PHF24: variants seen among roughly 807,000 people sequenced by gnomAD.
PHF24 encodes the protein PHD finger protein 24.
A neutral mutation model predicts 42.6 loss-of-function variants in PHF24; 25 were observed. That is an observed-to-expected ratio of 0.59 (90% CI 0.43 to 0.82). The LOEUF is 0.82. PHF24 is among the 40% of genes least tolerant of loss of function. The pLI is 0.00. For missense variants in PHF24, 470 were observed against 538.1 expected (o/e 0.87, Z 1.25); for synonymous variants, 185 against 204.8 (o/e 0.90, Z 0.83).
the PHF24 span, among the ~76,000 whole-genome samples, chr9:34,799,228 G>A: frequency 6.6e-6 from 1 of 152,260 alleles, no homozygotes; most frequent in Non-Finnish European, 1.5e-5. Flanking sequence ...GGAAAAAATA[G>A]GAATATTCTG....
chr9:34,767,514 C>T, the PHF24 span, among the ~76,000 whole-genome samples: 3 of 152,222 alleles, frequency 2.0e-5, no homozygotes, highest in Non-Finnish European at 4.4e-5. Flanking sequence ...AAGCCAGGTG[C>T]GGGATATAGT....
the PHF24 span, among the ~76,000 whole-genome samples, chr9:34,845,139 A>G: frequency 6.6e-6 from 1 of 152,000 alleles, no homozygotes; most frequent in Non-Finnish European, 1.5e-5. Context: ...GAGTATAGCT[A>G]CCCTTCCTCT....
At chr9:34,976,350 T>C (rs1021478981) in intron 4 of PHF24, 120 bp downstream of exon 4, 5 of 1,023,134 alleles carry the variant, frequency 4.9e-6, no homozygotes, top group Non-Finnish European at 7.5e-6. Flanking sequence ...AAATGAGTCC[T>C]TGTTCCTGAG....
chr9:34,714,613 C>A, the PHF24 span, among the ~76,000 whole-genome samples: 2 of 152,178 alleles, frequency 1.3e-5, no homozygotes, highest in Admixed American at 6.5e-5. Flanking sequence ...CTGGGAGAGC[C>A]ACTTGGGCCT....
chr9:34,684,106 G>A, the PHF24 span, among the ~76,000 whole-genome samples: 2 of 152,076 alleles, frequency 1.3e-5, no homozygotes, highest in Admixed American at 1.3e-4. Context: ...GAGTTTCAGT[G>A]GCTTGCAAGT....
At chr9:34,892,515 C>T in the PHF24 span, 1 of 409,460 alleles carries the variant, frequency 2.4e-6, no homozygotes, top group Non-Finnish European at 4.3e-6. Context: ...AACAATATCC[C>T]ACTTGTACTT....
chr9:34,696,406 T>G, the PHF24 span, among the ~76,000 whole-genome samples: 2 of 151,216 alleles, frequency 1.3e-5, no homozygotes, highest in African/African-American at 2.4e-5. Context: ...GAGAATCGCT[T>G]TAACCCGGGA....
the PHF24 span, chr9:34,709,549 C>CAGGAAGGG: frequency 6.2e-7 from 1 of 1,614,176 alleles, no homozygotes; most frequent in Non-Finnish European, 8.5e-7. Context: ...TTGGAGGCCC[C>CAGGAAGGG]CCTGTCCTTC....
the PHF24 span, chr9:34,894,625 C>T: frequency 5.0e-6 from 2 of 397,244 alleles, no homozygotes; most frequent in African/African-American, 2.1e-5. Flanking sequence ...CACTAAGTCA[C>T]ATCTGTGTAT....
chr9:34,784,374 A>G, the PHF24 span, among the ~76,000 whole-genome samples: 1 of 152,224 alleles, frequency 6.6e-6, no homozygotes, highest in Non-Finnish European at 1.5e-5. Context: ...CAGAATTTGC[A>G]TAATATATCT....
At chr9:34,826,068 G>A in the PHF24 span, among the ~76,000 whole-genome samples, 2 of 152,146 alleles carry the variant, frequency 1.3e-5, no homozygotes, top group African/African-American at 4.8e-5. Context: ...GACAAGGCAG[G>A]AAAGGGGGGT....
chr9:34,922,758 C>G, the PHF24 span: 1 of 1,591,404 alleles, frequency 6.3e-7, no homozygotes, highest in Non-Finnish European at 8.5e-7. Flanking sequence ...AGATGACCTA[C>G]GGGCTCCTAC....
At chr9:34,958,132 C>A (rs919953660), upstream of PHF24, among the ~76,000 whole-genome samples, 44 of 148,288 alleles carry the variant, frequency 3.0e-4, 1 homozygote, top group Admixed American at 2.7e-4. The surrounding 1 kb of genome is among the most constrained non-coding windows in gnomAD (Gnocchi z 4.5). Context: ...GAGGACTGGG[C>A]GGGGCGGGGC....
chr9:34,888,974 T>G, the PHF24 span: 2 of 397,602 alleles, frequency 5.0e-6, no homozygotes, highest in Non-Finnish European at 8.9e-6. Flanking sequence ...GATTTAAGCT[T>G]CTATACCACA....
chr9:34,915,026 C>CTTTTTTTTTTTTT, the PHF24 span, among the ~76,000 whole-genome samples: 18 of 37,458 alleles, frequency 4.8e-4, no homozygotes, highest in Admixed American at 9.5e-4. Flanking sequence ...TTTTTCTTTT[C>CTTTTTTTTTTTTT]TTTTTTTTTT....
In PHF24 at chr9:34,972,547, A is replaced by C. The variant is rs199513276; in HGVS notation, c.564+16A>C. ...CCACTACTGTGTAAGTCTGGACTGC[A>C]GGGACAGCAGAGGACTTGGCACTTT... On this transcript the variant is annotated intron_variant, in intron 3 of 7. Coordinates refer to ENST00000242315, the Ensembl canonical transcript of PHF24. The C allele has an allele frequency of 1.5e-5, 23 of 1,585,944 alleles. No homozygotes were observed. In the East Asian group the frequency reaches 4.1e-4, roughly 28 times the overall value.
chr9:34,936,786 C>G, the PHF24 span, among the ~76,000 whole-genome samples: 10 of 150,796 alleles, frequency 6.6e-5, no homozygotes, highest in South Asian at 1.7e-3. Flanking sequence ...TGAGGACCGT[C>G]TCTGCCCAGC....
At chr9:34,840,144 T>C in the PHF24 span, among the ~76,000 whole-genome samples, 2 of 152,214 alleles carry the variant, frequency 1.3e-5, no homozygotes, top group African/African-American at 4.8e-5. Context: ...GCATTTATTT[T>C]ATTTTAATCA....
chr9:34,813,876 A>G, the PHF24 span, among the ~76,000 whole-genome samples: 1 of 103,938 alleles, frequency 9.6e-6, no homozygotes, highest in African/African-American at 2.7e-5. Flanking sequence ...GGGCCATGTT[A>G]GAGACCGTCC....
Sources: gnomAD v4.1 joint callset for allele counts (sites outside exome capture counted in the v4.1 genomes callset) on GRCh38, gnomAD v4.1.1 for gene constraint, Gnocchi (gnomAD v3.1) non-coding constraint, MANE v1.5 for transcripts, NCBI Gene and HGNC (gene_info 2026-07-23, HGNC 2026-07-21) for gene names.